Variants in NOTCH2NLA observed in about 807,000 individuals in gnomAD.
The protein encoded by NOTCH2NLA is notch homolog 2 N-terminal-like protein A.
At chr1:146,184,974 G>T (rs1281147354) in intron 2 of NOTCH2NLA, among the ~76,000 whole-genome samples, 4 of 121,706 alleles carry the variant, frequency 3.3e-5, no homozygotes, top group African/African-American at 1.1e-4. Flanking sequence ...TTCTTTAGTG[G>T]GAGATAAACT....
chr1:146,158,919 G>A (rs1161450011), intron 3 of NOTCH2NLA, among the ~76,000 whole-genome samples: 3 of 151,114 alleles, frequency 2.0e-5, no homozygotes, highest in Non-Finnish European at 4.4e-5. Flanking sequence ...ACATCTCAGG[G>A]AGCTAAGACA....
At chr1:146,182,854 AC>A (rs1263975251) in intron 2 of NOTCH2NLA, among the ~76,000 whole-genome samples, 213 of 84,226 alleles carry the variant, frequency 2.5e-3, no homozygotes, top group Middle Eastern at 8.5e-3. Context: ...TCAAAAAAAA[AC>A]AACAACAAAA....
chr1:146,159,416 AAAGAAAG>A (rs1180156325), intron 3 of NOTCH2NLA, among the ~76,000 whole-genome samples: 1 of 149,518 alleles, frequency 6.7e-6, no homozygotes, highest in African/African-American at 2.5e-5. Flanking sequence ...AGAAAGAAAG[AAAGAAAG>A]AAAGAAAGAA....
chr1:146,186,356 CTTTTTTT>C (rs4067774), intron 2 of NOTCH2NLA, among the ~76,000 whole-genome samples: 9 of 99,010 alleles, frequency 9.1e-5, no homozygotes, highest in African/African-American at 2.6e-4. Flanking sequence ...GCTCCATTTT[CTTTTTTT>C]TTTTTTTTGG....
At chr1:146,154,063 T>C (rs1361014406), downstream of NOTCH2NLA, 1 of 63,418 alleles carries the variant, frequency 1.6e-5, no homozygotes, top group African/African-American at 5.1e-5. Context: ...ACACACATAT[T>C]GATATGTAAC....
intron 2 of NOTCH2NLA, among the ~76,000 whole-genome samples, chr1:146,172,920 TAA>T (rs1662065675): frequency 1.4e-5 from 2 of 146,600 alleles, no homozygotes; most frequent in Admixed American, 6.9e-5. Context: ...ATGTGATGGA[TAA>T]AGTCAGTCTC....
intron 1 of NOTCH2NLA, 98 bp downstream of exon 1, chr1:146,228,611 C>G (rs1664332191): frequency 1.4e-6 from 2 of 1,418,088 alleles, no homozygotes; most frequent in South Asian, 1.4e-5. Context: ...GGCGGCCGAG[C>G]CTGGCCTTCC....
At chr1:146,151,340 AAAAG>A (rs1660934535), downstream of NOTCH2NLA, among the ~76,000 whole-genome samples, 1 of 44,634 alleles carries the variant, frequency 2.2e-5, no homozygotes, top group African/African-American at 2.0e-4. Flanking sequence ...AAAAAAAAAG[AAAAG>A]AAAAGAAAAT....
rs1478880312 is a variant in NOTCH2NLA, at chr1:146,186,915, G to T, written c.38+2385C>A. On this transcript the variant is annotated intron_variant, in intron 2 of 4. Transcript: ENST00000362074. ...TGGGATACATGTGCAGAATGTGCAG[G>T]TTTGTTTCATAGGCATACATGTGCC... Among the ~76,000 whole-genome samples, 2 of 134,890 alleles carry T rather than the reference G, an allele frequency of 1.5e-5. 1 individual carries two copies. Among genetic ancestry groups the T allele is most frequent in the Admixed American group, 1.5e-4 (2 of 12,954 alleles). The allele number at this position is 134,890 out of a possible 152,430, so 88.5% of individuals were successfully genotyped here.
intron 2 of NOTCH2NLA, among the ~76,000 whole-genome samples, chr1:146,185,212 AC>A (rs1662703469): frequency 7.4e-6 from 1 of 134,556 alleles, no homozygotes; most frequent in Non-Finnish European, 1.7e-5. Context: ...AACCTAACCT[AC>A]CCCCAGAATC....
chr1:146,188,373 A>AAACAAACAAACAAAACAAAC (rs1662886363), intron 2 of NOTCH2NLA, among the ~76,000 whole-genome samples: 2 of 110,918 alleles, frequency 1.8e-5, no homozygotes, highest in Admixed American at 2.0e-4. Flanking sequence ...TCAAACAAAC[A>AAACAAACAAACAAAACAAAC]AAACGTCTTG....
intron 2 of NOTCH2NLA, among the ~76,000 whole-genome samples, chr1:146,171,348 A>G (rs1661969476): frequency 1.4e-5 from 2 of 139,288 alleles, no homozygotes; most frequent in South Asian, 4.4e-4. Flanking sequence ...GGAGAATGGC[A>G]TGAACCCAGA....
intron 3 of NOTCH2NLA, among the ~76,000 whole-genome samples, chr1:146,161,699 T>A (rs1160883870): frequency 1.6e-5 from 1 of 62,476 alleles, no homozygotes; most frequent in African/African-American, 1.0e-4. Flanking sequence ...ACACTTTGGG[T>A]TCCTACCTTT....
intron 3 of NOTCH2NLA, among the ~76,000 whole-genome samples, chr1:146,159,409 AAG>A (rs1661358334): frequency 6.9e-6 from 1 of 145,772 alleles, no homozygotes; most frequent in Non-Finnish European, 1.5e-5. Context: ...GAAAGAAAGA[AAG>A]AAAGAAAGAA....
At chr1:146,159,539 GC>G (rs1227466616) in intron 3 of NOTCH2NLA, among the ~76,000 whole-genome samples, 1 of 149,602 alleles carries the variant, frequency 6.7e-6, no homozygotes, top group Non-Finnish European at 1.5e-5. Context: ...CTAACTTGCT[GC>G]CTATGCTTCT....
intron 4 of NOTCH2NLA, among the ~76,000 whole-genome samples, chr1:146,149,986 AATG>A (rs1321697950): frequency 2.9e-5 from 4 of 138,868 alleles, no homozygotes; most frequent in Middle Eastern, 3.5e-3. Context: ...GGATAAATAA[AATG>A]ATAAAATGTG....
At chr1:146,175,593 CACAT>C (rs1386349930) in intron 2 of NOTCH2NLA, among the ~76,000 whole-genome samples, 7 of 142,176 alleles carry the variant, frequency 4.9e-5, no homozygotes, top group Non-Finnish European at 9.6e-5. Flanking sequence ...CGTACACACA[CACAT>C]ACACACTTTT....
In NOTCH2NLA at chr1:146,188,302, GA is replaced by G. The variant is rs1215007304; in HGVS notation, c.38+997del. Among the ~76,000 whole-genome samples the G allele has an allele frequency of 1.7e-5, 2 of 118,916 alleles. 1 individual carries two copies. The highest frequency in any genetic ancestry group is 3.8e-5 in the Non-Finnish European group (2 of 52,116). 78.0% of individuals were successfully genotyped at this position (118,916 alleles called of 152,430 possible). A position where few individuals can be genotyped will look rare whatever the true frequency, so the allele number is the denominator to read the frequency against. ...TTAAAAATTTTCAATTGAGGCAGAA[GA>G]AAAAAAATTATTTGCAGGAAACATA... On this transcript the variant is annotated intron_variant, in intron 2 of 4. Coordinates refer to ENST00000362074, the Ensembl canonical transcript of NOTCH2NLA.
intron 2 of NOTCH2NLA, among the ~76,000 whole-genome samples, chr1:146,172,615 CT>C (rs139313838): frequency 0.031 from 4,654 of 150,624 alleles, 86 homozygotes; most frequent in African/African-American, 0.11. Flanking sequence ...TTCTTCCACC[CT>C]TTTTTCAAAA....
Sources: gnomAD v4.1 joint callset for allele counts (sites outside exome capture counted in the v4.1 genomes callset) on GRCh38, gnomAD v4.1.1 for gene constraint, MANE v1.5 for transcripts, NCBI Gene and HGNC (gene_info 2026-07-23, HGNC 2026-07-21) for gene names.